The following PRKN variants were observed in gnomAD, a reference collection of about 807,000 sequenced individuals.
PRKN encodes E3 ubiquitin-protein ligase parkin.
A neutral mutation model predicts 59.5 loss-of-function variants in PRKN; 56 were observed. The ratio of observed to expected loss-of-function variants is 0.94; its 90% CI spans 0.76 to 1.18. The LOEUF is 1.18. PRKN is among the 50% of genes most tolerant of loss of function. The pLI, the probability that PRKN is intolerant of heterozygous loss-of-function variation, is 0.00. For missense variants in PRKN, 657 were observed against 596.4 expected, an observed-to-expected ratio of 1.10 and a Z score of -1.06; for synonymous variants, 250 against 222.1, an observed-to-expected ratio of 1.13 and a Z score of -1.12.
intron 6 of PRKN, among the ~76,000 whole-genome samples, chr6:161,864,705 G>A (rs911248879): frequency 6.6e-5 from 10 of 152,086 alleles, no homozygotes; most frequent in African/African-American, 1.7e-4. Flanking sequence ...TGCCTGGGCT[G>A]GAGTGCAGTG....
rs1779735755 is a variant in PRKN, at chr6:161,544,715, A to G, written c.1083+4139T>C. On this transcript the variant is annotated intron_variant, in intron 9 of 11. Coordinates refer to ENST00000366898, the MANE Select transcript of PRKN (RefSeq NM_004562.3). This position sits in a 1 kb window ranked among gnomAD's most constrained non-coding sequence, Gnocchi z 5.5. ...AATAAATTTACTGGATCCACCCCAC[A>G]TTTATCAGGCCTTTCCTAGGTGGAC... Among the ~76,000 whole-genome samples the G allele has an allele frequency of 1.3e-5, 2 of 152,152 alleles. No individual in the cohort carries two copies. Among genetic ancestry groups the G allele is most frequent in the African/African-American group, 2.4e-5 (1 of 41,434 alleles).
intron 2 of PRKN, among the ~76,000 whole-genome samples, chr6:162,440,954 G>A (rs1790020500): frequency 6.6e-6 from 1 of 151,814 alleles, no homozygotes; most frequent in African/African-American, 2.4e-5. Context: ...CCATCAATTT[G>A]CAATTACATG....
In PRKN at chr6:162,216,486, C is replaced by T. The variant is rs901173653; in HGVS notation, c.413-15234G>A. On this transcript the variant is annotated intron_variant, in intron 3 of 11. Coordinates refer to ENST00000366898, the MANE Select transcript of PRKN (RefSeq NM_004562.3). ...CGGAGCTTGCAGTGAGCCGAGATTG[C>T]GCCACTGCAGTCCGCAGTCCGGCCT... 5.6e-5 allele frequency among the ~76,000 whole-genome samples: 8 copies of T among 141,718 alleles called. No individual in the cohort carries two copies. The East Asian group carries it at 6.7e-4, about 12-fold the overall frequency. 93.0% of individuals were successfully genotyped at this position (141,718 alleles called of 152,430 possible).
intron 1 of PRKN, among the ~76,000 whole-genome samples, chr6:162,478,020 G>A (rs1792111202): frequency 6.6e-6 from 1 of 152,068 alleles, no homozygotes; most frequent in Non-Finnish European, 1.5e-5. Flanking sequence ...AGAGCACAGG[G>A]TCCTAGAGCG....
rs1785889127 is a variant in PRKN, at chr6:161,379,793, T to C, written c.1167+7001A>G. Reference sequence around the variant, plus strand: ...ACGGCAGTTCAGCCTTCCTTCAAACTGCTTCATGCGATTCCCCACAGCATC... The same window carrying C: ...ACGGCAGTTCAGCCTTCCTTCAAACCGCTTCATGCGATTCCCCACAGCATC... On this transcript the variant is annotated intron_variant, in intron 10 of 11. Coordinates refer to ENST00000366898, the MANE Select transcript of PRKN (RefSeq NM_004562.3). The surrounding 1 kb of genome is among the most constrained non-coding windows in gnomAD (Gnocchi z 4.9). 6.6e-6 allele frequency among the ~76,000 whole-genome samples: 1 copy of C among 152,194 alleles called. No homozygotes were observed. Among genetic ancestry groups the C allele is most frequent in the Admixed American group, 6.5e-5 (1 of 15,274 alleles).
At position 162,692,438 on chromosome 6, in the gene PRKN, G is replaced by C. The variant is rs554378324; in HGVS notation, c.7+35224C>G. Among the ~76,000 whole-genome samples the C allele has an allele frequency of 2.6e-5, 4 of 152,306 alleles. No homozygotes were observed. The South Asian group carries it at 8.3e-4, about 32-fold the overall frequency. Reference sequence around the variant, plus strand: ...CTAGACAGTTTTATGCTAACAATGTGATTTATGGCAAACACCCGTTCTAGT... The same window carrying C: ...CTAGACAGTTTTATGCTAACAATGTCATTTATGGCAAACACCCGTTCTAGT... On this transcript the variant is annotated intron_variant, in intron 1 of 11. Coordinates refer to ENST00000366898, the MANE Select transcript of PRKN (RefSeq NM_004562.3).
At chr6:161,514,427 T>C (rs1778511718) in intron 9 of PRKN, among the ~76,000 whole-genome samples, 2 of 151,880 alleles carry the variant, frequency 1.3e-5, no homozygotes, top group Admixed American at 6.6e-5. Flanking sequence ...AAGTTTTATT[T>C]TGAGGAGTGA....
intron 7 of PRKN, among the ~76,000 whole-genome samples, chr6:161,767,818 A>T (rs148833656): frequency 1.3e-5 from 2 of 152,212 alleles, no homozygotes; most frequent in East Asian, 3.9e-4. Flanking sequence ...GGTCTTCCGG[A>T]CACTGCATCA....
intron 7 of PRKN, among the ~76,000 whole-genome samples, chr6:161,643,607 G>A (rs1783819214): frequency 6.6e-6 from 1 of 152,078 alleles, no homozygotes; most frequent in Non-Finnish European, 1.5e-5. Context: ...CTTTATTTAG[G>A]TATTCCAAAG....
chr6:161,407,425 A>G lies in PRKN; in HGVS notation c.1084-20548T>C, dbSNP rs1787329051. On this transcript the variant is annotated intron_variant, in intron 9 of 11. Transcript: ENST00000366898. This position sits in a 1 kb window ranked among gnomAD's most constrained non-coding sequence, Gnocchi z 4.9. ...AATTTAACAGGACTGAAATGCCTCCATTCTAAGATGACATTAATGGTAAAA... is the reference window on the plus strand; with the variant it reads ...AATTTAACAGGACTGAAATGCCTCCGTTCTAAGATGACATTAATGGTAAAA... 6.6e-6 allele frequency among the ~76,000 whole-genome samples: 1 copy of G among 152,188 alleles called. No individual in the cohort carries two copies. The highest frequency in any genetic ancestry group is 6.5e-5 in the Admixed American group (1 of 15,280).
chr6:161,883,012 AC>A (rs199610148), intron 6 of PRKN, among the ~76,000 whole-genome samples: 1,874 of 132,666 alleles, frequency 0.014, 36 homozygotes, highest in African/African-American at 0.055. Context: ...CTCAAAGAAA[AC>A]AAAAAACAAC....
chr6:162,334,895 G>A (rs959744381), intron 2 of PRKN, among the ~76,000 whole-genome samples: 2 of 152,186 alleles, frequency 1.3e-5, no homozygotes, highest in Non-Finnish European at 2.9e-5. Flanking sequence ...AGTGGAGGAA[G>A]TCACTGCAGA....
intron 3 of PRKN, among the ~76,000 whole-genome samples, chr6:162,202,677 T>G (rs185795174): frequency 6.6e-6 from 1 of 152,182 alleles, no homozygotes. Context: ...ATGTTTCACA[T>G]GTAATATACA....
At position 161,655,867 on chromosome 6, in the gene PRKN, CACACACACACACACACAT is replaced by C. The variant is rs1269000217; in HGVS notation, c.872-86469_872-86452del. On this transcript the variant is annotated intron_variant, in intron 7 of 11. Transcript: ENST00000366898. ...CCACACAGGCATATCAACACACATG[CACACACACACACACACAT>C]ACACACACACACACACACACACACA... is the stretch of plus-strand genomic sequence containing the variant. 2.0e-4 allele frequency among the ~76,000 whole-genome samples: 9 copies of C among 45,960 alleles called. No individual in the cohort carries two copies. The East Asian group carries it at 2.9e-3, about 15-fold the overall frequency. 30.2% of individuals were successfully genotyped at this position (45,960 alleles called of 152,430 possible).
intron 2 of PRKN, among the ~76,000 whole-genome samples, chr6:162,304,543 C>CTATCTATT (rs1562655167): frequency 8.7e-6 from 1 of 115,462 alleles, no homozygotes; most frequent in South Asian, 2.7e-4. Context: ...ATCTATCTAT[C>CTATCTATT]TATTTATCCA....
At chr6:162,135,724 A>G (rs1163456368) in intron 4 of PRKN, among the ~76,000 whole-genome samples, 1 of 151,938 alleles carries the variant, frequency 6.6e-6, no homozygotes, top group African/African-American at 2.4e-5. Flanking sequence ...AGAAGGTAGA[A>G]GGTGAAAGGT....
intron 1 of PRKN, among the ~76,000 whole-genome samples, chr6:162,531,768 C>T (rs934983723): frequency 6.6e-6 from 1 of 151,976 alleles, no homozygotes; most frequent in Non-Finnish European, 1.5e-5. Flanking sequence ...GCAATCTAGT[C>T]CCCAGGCAAG....
At position 161,355,128 on chromosome 6, in the gene PRKN, C is replaced by G. The variant is rs1784698391; in HGVS notation, c.1286-4917G>C. Among the ~76,000 whole-genome samples the G allele has an allele frequency of 6.6e-6, 1 of 152,218 alleles. No individual in the cohort carries two copies. The highest frequency in any genetic ancestry group is 2.1e-4 in the South Asian group (1 of 4,838). ...AGGCTCCTGCGTGCGGTGCCTGGAA[C>G]ACGAGCAGCAGGGGCTGCCTCCGCA... On this transcript the variant is annotated intron_variant, in intron 11 of 11. Coordinates refer to ENST00000366898, the MANE Select transcript of PRKN (RefSeq NM_004562.3). The surrounding 1 kb of genome is among the most constrained non-coding windows in gnomAD (Gnocchi z 6.8).
At chr6:161,481,682 G>T (rs1001200836) in intron 9 of PRKN, among the ~76,000 whole-genome samples, 7 of 152,126 alleles carry the variant, frequency 4.6e-5, no homozygotes, top group Non-Finnish European at 8.8e-5. Context: ...CACAAAGAGG[G>T]TAGGTAGTGA....
Sources: gnomAD v4.1 joint callset for allele counts (sites outside exome capture counted in the v4.1 genomes callset) on GRCh38, gnomAD v4.1.1 for gene constraint, Gnocchi (gnomAD v3.1) non-coding constraint, MANE v1.5 for transcripts, NCBI Gene and HGNC (gene_info 2026-07-23, HGNC 2026-07-21) for gene names.